Variants in ZNF407 observed in about 807,000 individuals in gnomAD.
The protein encoded by ZNF407 is zinc finger protein 407.
In ZNF407, 17 loss-of-function variants were observed where a neutral mutation model predicts 131.2. The observed-to-expected ratio is 0.13, with a 90% confidence interval of 0.09 to 0.19. ZNF407 has a LOEUF of 0.19. Ranked by LOEUF, ZNF407 falls within the 10% of genes least tolerant of loss-of-function variation. The probability of loss-of-function intolerance (pLI) is 1.00; values close to 1 mark genes in which losing one functional copy is unlikely to be tolerated. For missense variants in ZNF407, 2,681 were observed against 2,830.6 expected (o/e 0.95, Z 1.20); for synonymous variants, 1,156 against 1,062.0 (o/e 1.09, Z -1.72).
At chr18:75,062,905 A>G in intron 8 of ZNF407, 1 of 405,898 alleles carries the variant, frequency 2.5e-6, no homozygotes, top group Non-Finnish European at 4.4e-6. Flanking sequence ...TGGACAGCTC[A>G]CAGGGCTGTG....
chr18:74,641,402 G>A (rs1395393019), intron 3 of ZNF407, among the ~76,000 whole-genome samples: 1 of 152,090 alleles, frequency 6.6e-6, no homozygotes, highest in Non-Finnish European at 1.5e-5. Context: ...CATTGCCAGA[G>A]AGAACTATAA....
intron 8 of ZNF407, among the ~76,000 whole-genome samples, chr18:75,040,162 G>C (rs923835875): frequency 6.6e-6 from 1 of 152,080 alleles, no homozygotes; most frequent in Non-Finnish European, 1.5e-5. Context: ...ATGTGAACTG[G>C]GATGAAGTAG....
intron 8 of ZNF407, 200 bp downstream of exon 8, chr18:74,920,892 T>G (rs1289653332): frequency 8.1e-7 from 1 of 1,237,740 alleles, no homozygotes; most frequent in Non-Finnish European, 1.0e-6. Flanking sequence ...CTGTATTTTA[T>G]CAAAAAAGGA....
intron 3 of ZNF407, among the ~76,000 whole-genome samples, chr18:74,697,942 A>T (rs924778861): frequency 6.6e-6 from 1 of 152,216 alleles, no homozygotes; most frequent in Admixed American, 6.5e-5. Context: ...AGAATTTATC[A>T]TAGATTATAA....
intron 5 of ZNF407, among the ~76,000 whole-genome samples, chr18:74,878,003 G>A (rs1041229945): frequency 1.3e-5 from 2 of 152,200 alleles, no homozygotes; most frequent in Non-Finnish European, 2.9e-5. Context: ...AACAGAGGGT[G>A]TGGAATTTCC....
intron 8 of ZNF407, among the ~76,000 whole-genome samples, chr18:75,056,285 T>A (rs1466877709): frequency 6.6e-6 from 1 of 152,250 alleles, no homozygotes; most frequent in African/African-American, 2.4e-5. Context: ...GTTTCTGTTT[T>A]GTGTGTGAAT....
chr18:75,043,298 T>C (rs1461806775), intron 8 of ZNF407, among the ~76,000 whole-genome samples: 1 of 152,222 alleles, frequency 6.6e-6, no homozygotes, highest in South Asian at 2.1e-4. Context: ...TGTATCCATG[T>C]GTAAATTGTT....
In ZNF407 at chr18:75,064,657, G is replaced by A. The variant is rs1003012428; in HGVS notation, c.*189G>A. 18 of 541,310 alleles carry A rather than the reference G, an allele frequency of 3.3e-5. No homozygotes were observed. Among genetic ancestry groups the A allele is most frequent in the Non-Finnish European group, 4.0e-5 (13 of 328,684 alleles). The allele number at this position is 541,310 out of a possible 1,614,324, so 33.5% of individuals were successfully genotyped here. On this transcript the variant is annotated 3_prime_UTR_variant, in exon 9 of 9. Coordinates refer to ENST00000299687, the MANE Select transcript of ZNF407 (RefSeq NM_017757.3). Reference sequence around the variant, plus strand: ...CAGGCGCCCACAGAGGGTACCGTGGGCTGGGCCTCGGGGAGCAGGCTGCCA... The same window carrying A: ...CAGGCGCCCACAGAGGGTACCGTGGACTGGGCCTCGGGGAGCAGGCTGCCA...
Position 74,631,415 on chromosome 18 carries a change from C to T in ZNF407, c.396C>T (p.Ser132=), listed in dbSNP as rs267605258. ...VGGTCLPNAL[S]PSCNFSTIDV... The stretch of plus-strand genomic sequence containing the variant: ...GCACATGTCTCCCAAATGCCCTCTC[C>T]CCTTCTTGCAATTTTAGCACTATTG... Residue 132 remains serine (S), a synonymous_variant, in exon 2 of 9, where the codon TCC becomes TCT. Coordinates refer to ENST00000299687, the MANE Select transcript of ZNF407 (RefSeq NM_017757.3). 2 of 1,613,952 alleles carry T rather than the reference C, an allele frequency of 1.2e-6. No individual in the cohort carries two copies. The highest frequency in any genetic ancestry group is 8.5e-7 in the Non-Finnish European group (1 of 1,179,886).
At chr18:74,852,769 G>A (rs1970807570) in intron 4 of ZNF407, among the ~76,000 whole-genome samples, 1 of 152,108 alleles carries the variant, frequency 6.6e-6, no homozygotes, top group Non-Finnish European at 1.5e-5. Flanking sequence ...AAAATGAGTT[G>A]TAAGTCATAA....
intron 8 of ZNF407, among the ~76,000 whole-genome samples, chr18:75,022,600 A>G (rs1440782905): frequency 6.6e-6 from 1 of 152,224 alleles, no homozygotes; most frequent in African/African-American, 2.4e-5. Context: ...ACCACTTAGC[A>G]TGTGGTAATT....
chr18:75,040,895 T>G (rs1392329105), intron 8 of ZNF407, among the ~76,000 whole-genome samples: 2 of 152,188 alleles, frequency 1.3e-5, no homozygotes, highest in African/African-American at 4.8e-5. Flanking sequence ...GAGCTCCACG[T>G]GTGATGCCGG....
At chr18:74,610,230 T>C (rs1340860955) in intron 1 of ZNF407, among the ~76,000 whole-genome samples, 1 of 152,250 alleles carries the variant, frequency 6.6e-6, no homozygotes, top group African/African-American at 2.4e-5. Flanking sequence ...TGTGAAATCT[T>C]TTCACATGAT....
At chr18:74,742,441 T>C (rs559534283) in intron 3 of ZNF407, among the ~76,000 whole-genome samples, 33 of 152,252 alleles carry the variant, frequency 2.2e-4, no homozygotes, top group African/African-American at 6.3e-4. Flanking sequence ...CTGACTTCAG[T>C]TGCTTTTTTT....
chr18:74,709,220 CT>C (rs1468615051), intron 3 of ZNF407, among the ~76,000 whole-genome samples: 1 of 152,126 alleles, frequency 6.6e-6, no homozygotes, highest in Non-Finnish European at 1.5e-5. Flanking sequence ...ACGTATCAGT[CT>C]TTTAGGTTGA....
At chr18:74,694,977 T>G (rs1308847930) in intron 3 of ZNF407, among the ~76,000 whole-genome samples, 1 of 152,200 alleles carries the variant, frequency 6.6e-6, no homozygotes, top group East Asian at 1.9e-4. Flanking sequence ...TATTCTCACT[T>G]TAGAGGGGAT....
intron 3 of ZNF407, among the ~76,000 whole-genome samples, chr18:74,770,479 C>T (rs944798642): frequency 2.0e-5 from 3 of 152,070 alleles, no homozygotes; most frequent in African/African-American, 7.2e-5. Flanking sequence ...GGCAGTCTCC[C>T]TCTTTTCCAA....
Position 74,934,546 on chromosome 18 carries a change from C to T in ZNF407, c.5428+13854C>T, listed in dbSNP as rs143110478. Among the ~76,000 whole-genome samples, 25 of 152,324 alleles carry T rather than the reference C, an allele frequency of 1.6e-4. No homozygotes were observed. In the East Asian group the frequency reaches 3.7e-3, roughly 22 times the overall value. On this transcript the variant is annotated intron_variant, in intron 8 of 8. Transcript: ENST00000299687. ...ACTTTTAGCTGGGCATGGTGGCTCA[C>T]GCCTATAATCCTAGCACTTAGGGAG...
intron 4 of ZNF407, among the ~76,000 whole-genome samples, chr18:74,839,198 T>A (rs1323217405): frequency 1.3e-5 from 2 of 152,236 alleles, no homozygotes; most frequent in African/African-American, 4.8e-5. Flanking sequence ...TGCACATCTC[T>A]ATTAGTAGGG....
Sources: allele counts gnomAD v4.1 joint callset (sites outside exome capture counted in the v4.1 genomes callset), GRCh38; gene constraint gnomAD v4.1.1; transcripts MANE v1.5; gene names NCBI Gene and HGNC (gene_info 2026-07-23, HGNC 2026-07-21).